The following MYO5A variants were observed in gnomAD, a reference collection of about 807,000 sequenced individuals.
MYO5A encodes myosin VA, also known as unconventional myosin-Va.
MYO5A carries 98 observed loss-of-function variants against 249.7 expected under a neutral mutation model. That is an observed-to-expected ratio of 0.39 (90% confidence interval 0.33 to 0.46). MYO5A has a LOEUF of 0.46. Among genes scored for constraint, MYO5A ranks in the 20% least tolerant of loss-of-function variants. The pLI is 0.98. For synonymous variants in MYO5A, 778 were observed against 810.6 expected, an observed-to-expected ratio of 0.96 and a Z score of 0.68; for missense variants, 1,696 against 2,308.8, an observed-to-expected ratio of 0.73 and a Z score of 5.44.
chr15:52,370,191 C>T lies in MYO5A; in HGVS notation c.3044G>A (p.Arg1015Gln), dbSNP rs189981926. Residue 1015 changes from arginine (R) to glutamine (Q), a missense_variant, in exon 22 of 42, where the codon CGA becomes CAA. Transcript: ENST00000399233. ...TACCTGCTCTGTTTCTTGTTTGTAT[C>T]GATCTGCATGTTCCTCAATGCATTT... ...EKKCIEEHAD[R>Q]YKQETEQLVS... 1.7e-5 allele frequency: 27 copies of T among 1,614,034 alleles called. No individual in the cohort carries two copies. The highest frequency in any genetic ancestry group is 6.6e-5 in the South Asian group (6 of 91,060).
chr15:52,376,660 T>G, intron 18 of MYO5A, 102 bp from the exon 19 acceptor site: 1 of 1,122,562 alleles, frequency 8.9e-7, no homozygotes, highest in Non-Finnish European at 1.3e-6. Context: ...ATGACTCTAT[T>G]AGCTAAAACT....
At position 52,481,621 on chromosome 15, in the gene MYO5A, G is replaced by T. The variant is rs142237589; in HGVS notation, c.27+47159C>A. On this transcript the variant is annotated intron_variant, in intron 1 of 41. Transcript: ENST00000399233. Reference sequence around the variant, plus strand: ...ACATGGTAACTTCCTAAAGGAGGGGGACATGGATTTGGGCTAGAAGGACAA... The same window carrying T: ...ACATGGTAACTTCCTAAAGGAGGGGTACATGGATTTGGGCTAGAAGGACAA... 5.5e-3 allele frequency among the ~76,000 whole-genome samples: 833 copies of T among 152,296 alleles called. 3 individuals are homozygous for T. Among genetic ancestry groups the T allele is most frequent in the Non-Finnish European group, 9.1e-3 (616 of 68,020 alleles).
At chr15:52,325,306 T>A (rs577459769) in intron 36 of MYO5A, among the ~76,000 whole-genome samples, 1 of 152,150 alleles carries the variant, frequency 6.6e-6, no homozygotes, top group East Asian at 1.9e-4. Flanking sequence ...TACTGAAGAG[T>A]TACCAGATAA....
At chr15:52,322,085 G>A (rs138213560) in intron 37 of MYO5A, among the ~76,000 whole-genome samples, 5 of 152,302 alleles carry the variant, frequency 3.3e-5, no homozygotes, top group Admixed American at 1.3e-4. Flanking sequence ...CTGAATGGGC[G>A]GCACTTCTTC....
In MYO5A at chr15:52,527,392, G is replaced by A. The variant is rs138235375; in HGVS notation, c.27+1388C>T. Among the ~76,000 whole-genome samples the A allele has an allele frequency of 4.3e-3, 661 of 152,264 alleles. 6 individuals are homozygous for A. Among genetic ancestry groups the A allele is most frequent in the African/African-American group, 0.015 (618 of 41,546 alleles). On this transcript the variant is annotated intron_variant, in intron 1 of 41. Transcript: ENST00000399233. The stretch of plus-strand genomic sequence containing the variant: ...CGTTCATATGTTAGAGATCTACAAT[G>A]CCTAAAGAAATTACCAGGTTGAGAG...
At chr15:52,482,271 T>C (rs2076730554) in intron 1 of MYO5A, among the ~76,000 whole-genome samples, 1 of 152,244 alleles carries the variant, frequency 6.6e-6, no homozygotes, top group South Asian at 2.1e-4. Context: ...TCTGTGACTC[T>C]ACCTGACCTT....
chr15:52,481,710 T>A (rs1265231693), intron 1 of MYO5A, among the ~76,000 whole-genome samples: 1 of 152,178 alleles, frequency 6.6e-6, no homozygotes, highest in Non-Finnish European at 1.5e-5. Context: ...CATAAAGATG[T>A]GGAACAGGAT....
In MYO5A at chr15:52,384,155, A is replaced by G; in HGVS notation, c.1914+6T>C. On this transcript the variant is annotated splice_donor_region_variant and intron_variant, in intron 15 of 41. Coordinates refer to ENST00000399233, the MANE Select transcript of MYO5A (RefSeq NM_001382347.1). ...GAGCGTGGCAGCGGCAGCTCCCTGAACTCACCTGATGCCCCACTGTTTTCT... is the reference window on the plus strand; with the variant it reads ...GAGCGTGGCAGCGGCAGCTCCCTGAGCTCACCTGATGCCCCACTGTTTTCT... The G allele has an allele frequency of 6.2e-7, 1 of 1,613,900 alleles. No individual in the cohort carries two copies. Among genetic ancestry groups the G allele is most frequent in the Non-Finnish European group, 8.5e-7 (1 of 1,179,942 alleles).
intron 1 of MYO5A, among the ~76,000 whole-genome samples, chr15:52,526,418 G>T (rs2077731144): frequency 6.6e-6 from 1 of 151,894 alleles, no homozygotes; most frequent in African/African-American, 2.4e-5. Flanking sequence ...TTGTTGCCCA[G>T]GCTCGCGATC....
At chr15:52,364,294 A>G (rs140905622) in intron 24 of MYO5A, among the ~76,000 whole-genome samples, 4 of 152,148 alleles carry the variant, frequency 2.6e-5, no homozygotes, top group African/African-American at 9.6e-5. Flanking sequence ...ATACTATCAC[A>G]TAGCCCAGTC....
chr15:52,348,756 T>C (rs777951172), intron 29 of MYO5A, 62 bp downstream of exon 29: 10 of 1,365,710 alleles, frequency 7.3e-6, no homozygotes, highest in African/African-American at 1.5e-5. Context: ...TGGGGGATAC[T>C]TGTAAACTAA....
intron 1 of MYO5A, among the ~76,000 whole-genome samples, chr15:52,459,697 G>A (rs2076198764): frequency 1.3e-5 from 2 of 152,250 alleles, no homozygotes; most frequent in African/African-American, 2.4e-5. Context: ...CCTCCCAGAC[G>A]GGGTGGCTGC....
chr15:52,507,594 G>A (rs992328298), intron 1 of MYO5A, among the ~76,000 whole-genome samples: 24 of 152,016 alleles, frequency 1.6e-4, no homozygotes, highest in African/African-American at 5.3e-4. Context: ...AAGGCAGGAG[G>A]ATCACTTTAG....
At chr15:52,345,584 C>CA (rs71923501) in intron 30 of MYO5A, among the ~76,000 whole-genome samples, 3,611 of 92,524 alleles carry the variant, frequency 0.039, 64 homozygotes, top group Middle Eastern at 0.099. Context: ...AACTCCATTT[C>CA]AAAAAAAAAA....
chr15:52,489,562 A>T (rs2076893776), intron 1 of MYO5A, among the ~76,000 whole-genome samples: 1 of 131,214 alleles, frequency 7.6e-6, no homozygotes, highest in Non-Finnish European at 1.6e-5. Flanking sequence ...GACTTTGTCT[A>T]AAAAAAAAAA....
chr15:52,474,977 T>C (rs2076560205), intron 1 of MYO5A, among the ~76,000 whole-genome samples: 1 of 152,248 alleles, frequency 6.6e-6, no homozygotes, highest in African/African-American at 2.4e-5. Context: ...AGCTCCTCTT[T>C]GTACCTCTGG....
chr15:52,369,473 T>A (rs1430609209), intron 22 of MYO5A, among the ~76,000 whole-genome samples: 1 of 152,242 alleles, frequency 6.6e-6, no homozygotes. Flanking sequence ...AAAGTTTTGA[T>A]ATGTTAATAC....
intron 20 of MYO5A, among the ~76,000 whole-genome samples, chr15:52,372,728 A>T (rs1484297732): frequency 1.3e-5 from 2 of 152,236 alleles, no homozygotes; most frequent in Non-Finnish European, 2.9e-5. Flanking sequence ...TAGGTTTCTT[A>T]TTAGTATATG....
intron 10 of MYO5A, 137 bp downstream of exon 10, chr15:52,397,063 AG>A: frequency 1.1e-5 from 11 of 1,004,586 alleles, no homozygotes; most frequent in Non-Finnish European, 1.7e-5. Flanking sequence ...ACCATCATCA[AG>A]GTATTCTTGA....
Sources: allele counts gnomAD v4.1 joint callset (sites outside exome capture counted in the v4.1 genomes callset), GRCh38; gene constraint gnomAD v4.1.1; transcripts MANE v1.5; gene names NCBI Gene and HGNC (gene_info 2026-07-23, HGNC 2026-07-21).